TRNT1: variants seen among roughly 807,000 people sequenced by gnomAD.
TRNT1 encodes CCA tRNA nucleotidyltransferase 1, mitochondrial.
TRNT1 carries 44 observed loss-of-function variants against 45.6 expected under a neutral mutation model. The ratio of observed to expected loss-of-function variants is 0.97; its 90% confidence interval spans 0.76 to 1.24. TRNT1 has a LOEUF of 1.24. Among genes scored for constraint, TRNT1 ranks in the 50% most tolerant of loss-of-function variants. The pLI is 0.00. For synonymous variants in TRNT1, 201 were observed against 171.4 expected (o/e 1.17, Z -1.35); for missense variants, 633 against 504.4 (o/e 1.25, Z -2.44).
chr3:3,136,485 A>G (rs1320597761), intron 2 of TRNT1, among the ~76,000 whole-genome samples: 1 of 152,200 alleles, frequency 6.6e-6, no homozygotes, highest in Non-Finnish European at 1.5e-5. Context: ...TTTTAGCTAT[A>G]AACATTAATC....
intron 2 of TRNT1, chr3:3,129,446 G>C: frequency 2.4e-6 from 1 of 422,880 alleles, no homozygotes; most frequent in Non-Finnish European, 4.4e-6. Flanking sequence ...TGGAAGAAAG[G>C]CTTGGCTGGG....
At chr3:3,150,610 C>T, downstream of TRNT1, 4 of 401,928 alleles carry the variant, frequency 1.0e-5, no homozygotes, top group South Asian at 7.3e-5. Context: ...ATATCAGATT[C>T]CACAGGATAA....
chr3:3,136,595 C>T (rs1705340369), intron 2 of TRNT1: 1 of 424,294 alleles, frequency 2.4e-6, no homozygotes, highest in Non-Finnish European at 4.6e-6. Flanking sequence ...GTTACCATTT[C>T]TAAAGTATGC....
At chr3:3,130,739 T>G (rs1050764578) in intron 2 of TRNT1, 1 of 152,198 alleles carries the variant, frequency 6.6e-6, no homozygotes, top group African/African-American at 2.4e-5. Context: ...GAATTTTGTA[T>G]AAAAATTGTT....
At position 3,148,055 on chromosome 3, in the gene TRNT1, A is replaced by G; in HGVS notation, c.1206A>G (p.Lys402=). ...DIRKVGISSG[K]EIGALLQQLR... ...GAAAAGTGGGCATTTCTTCAGGAAA[A>G]GAAATTGGGGCTCTATTACAACAGT... The change falls in exon 8 of 8, where the codon AAA becomes AAG. Residue 402 remains lysine (K), a synonymous_variant. Transcript: ENST00000251607. The G allele has an allele frequency of 1.2e-6, 2 of 1,613,974 alleles. No homozygotes were observed. Among genetic ancestry groups the G allele is most frequent in the Non-Finnish European group, 1.7e-6 (2 of 1,179,852 alleles).
rs373630283 is a variant in TRNT1, at chr3:3,140,496, G to A, written c.343-14G>A. On this transcript the variant is annotated splice_polypyrimidine_tract_variant and intron_variant, in intron 3 of 7. Transcript: ENST00000251607. Reference sequence around the variant, plus strand: ...ATTTAAATGACAACAAAAACCCCATGTATTTAATTGCAGCTTCATGAAGAA... The same window carrying A: ...ATTTAAATGACAACAAAAACCCCATATATTTAATTGCAGCTTCATGAAGAA... The A allele has an allele frequency of 5.2e-5, 83 of 1,610,088 alleles. No individual in the cohort carries two copies. In the African/African-American group the frequency reaches 1.0e-3, roughly 20 times the overall value.
chr3:3,136,227 G>A (rs1343289805), intron 2 of TRNT1, among the ~76,000 whole-genome samples: 1 of 152,152 alleles, frequency 6.6e-6, no homozygotes, highest in Admixed American at 6.5e-5. Flanking sequence ...TGATATTGAT[G>A]TTTTGTGAAA....
rs371733557 is a variant in TRNT1, at chr3:3,144,612, T to A, written c.510T>A (p.Phe170Leu). The change falls in exon 5 of 8, where the codon TTT becomes TTA. Residue 170 changes from phenylalanine (F) to leucine (L), a missense_variant. Transcript: ENST00000251607. ...LGFDGTLFDY[F>L]NGYEDLKNKK... is the part of the protein sequence containing the mutation. The stretch of plus-strand genomic sequence containing the variant: ...TTGATGGCACTTTATTTGACTACTT[T>A]AATGGTTATGAAGATTTAAAAAATA... 3.1e-6 allele frequency: 5 copies of A among 1,587,358 alleles called. No homozygotes were observed. Among genetic ancestry groups the A allele is most frequent in the Non-Finnish European group, 4.3e-6 (5 of 1,161,612 alleles).
intron 4 of TRNT1, among the ~76,000 whole-genome samples, chr3:3,142,396 T>C (rs1235491562): frequency 6.6e-6 from 1 of 152,226 alleles, no homozygotes; most frequent in African/African-American, 2.4e-5. Context: ...GATGGTAACT[T>C]GCCCAAAGTT....
intron 2 of TRNT1, among the ~76,000 whole-genome samples, chr3:3,132,731 G>GGAA (rs1553552192): frequency 1.1e-5 from 1 of 88,976 alleles, no homozygotes; most frequent in Non-Finnish European, 2.4e-5. Context: ...CCTATTGAAG[G>GGAA]AAAAAAAAAA....
In TRNT1 at chr3:3,148,253, GT is replaced by G; in HGVS notation, c.*102del. On this transcript the variant is annotated 3_prime_UTR_variant, in exon 8 of 8. Coordinates refer to ENST00000251607, the MANE Select transcript of TRNT1 (RefSeq NM_182916.3). ...AGAGACTACACCAGAATAAAAGACA[GT>G]TTAGGGGACCTCTGTAGAACAACAA... 2 of 1,322,324 alleles carry G rather than the reference GT, an allele frequency of 1.5e-6. No individual in the cohort carries two copies. The highest frequency in any genetic ancestry group is 2.1e-6 in the Non-Finnish European group (2 of 962,776). 81.9% of individuals were successfully genotyped at this position (1,322,324 alleles called of 1,614,324 possible).
rs150742431 is a variant in TRNT1, at chr3:3,147,592, C to G, written c.945C>G (p.Ile315Met). ...DVTKLDLRLK[I>M]AKEEKNLGLF... is the part of the protein sequence containing the mutation. The stretch of plus-strand genomic sequence containing the variant: ...CAAAATTGGATTTGAGGTTGAAGAT[C>G]GCAAAAGAGGAGAAAAACCTTGGCT... The change falls in exon 7 of 8, where the codon ATC (isoleucine) becomes ATG (methionine). Residue 315 changes from isoleucine to methionine, a missense_variant. Ile to Met is a conservative substitution (Grantham distance 10). Coordinates refer to ENST00000251607, the MANE Select transcript of TRNT1 (RefSeq NM_182916.3). The G allele has an allele frequency of 3.0e-5, 48 of 1,613,740 alleles. No individual in the cohort carries two copies. Among genetic ancestry groups the G allele is most frequent in the Non-Finnish European group, 3.8e-5 (45 of 1,179,886 alleles).
chr3:3,150,930 G>C (rs1457385788), downstream of TRNT1: 3 of 1,613,896 alleles, frequency 1.9e-6, no homozygotes, highest in Non-Finnish European at 2.5e-6. Flanking sequence ...GTGGGCAACA[G>C]AGCAGATCGC....
At chr3:3,127,290 G>C (rs1184578106) in intron 1 of TRNT1, 1 of 152,344 alleles carries the variant, frequency 6.6e-6, no homozygotes, top group Non-Finnish European at 1.5e-5. Flanking sequence ...GGCGTGGGGG[G>C]TGAGACGCGC....
chr3:3,150,518 A>ATTTT (rs11320492), downstream of TRNT1: 2 of 184,366 alleles, frequency 1.1e-5, no homozygotes, highest in African/African-American at 4.9e-5. Context: ...GGAATTTAAG[A>ATTTT]TTTTTTTTTT....
intron 2 of TRNT1, among the ~76,000 whole-genome samples, chr3:3,132,905 T>A (rs1705103338): frequency 4.6e-5 from 7 of 152,122 alleles, no homozygotes; most frequent in Admixed American, 4.6e-4. Context: ...AGTTGACTTT[T>A]TCTAGGCTAC....
intron 3 of TRNT1, among the ~76,000 whole-genome samples, chr3:3,137,929 T>G (rs1705429054): frequency 6.6e-6 from 1 of 152,258 alleles, no homozygotes; most frequent in African/African-American, 2.4e-5. Flanking sequence ...GTTTTTAAAT[T>G]TTCCTGCAGT....
rs766234875 is a variant in TRNT1 at position 3,129,083 on chromosome 3, C to G, written c.43C>G (p.Arg15Gly). Residue 15 changes from arginine (R) to glycine (G), a missense_variant, in exon 2 of 8, where the codon CGT becomes GGT. Physicochemically the swap from Arg to Gly is moderately radical, Grantham distance 125 (BLOSUM62 -2). Coordinates refer to ENST00000251607, the MANE Select transcript of TRNT1 (RefSeq NM_182916.3). ...LYHWHRPVLN[R>G]RWSRLCLPKQ... ...TCATTGGCACAGGCCAGTGCTGAACCGTAGGTGGAGTAGGCTGTGCCTTCC... is the reference window on the plus strand; with the variant it reads ...TCATTGGCACAGGCCAGTGCTGAACGGTAGGTGGAGTAGGCTGTGCCTTCC... The G allele has an allele frequency of 6.2e-7, 1 of 1,613,904 alleles. No individual in the cohort carries two copies. The highest frequency in any genetic ancestry group is 1.1e-5 in the South Asian group (1 of 91,082).
downstream of TRNT1, chr3:3,150,227 C>T (rs1420348505): frequency 6.6e-6 from 1 of 152,388 alleles, no homozygotes; most frequent in Non-Finnish European, 1.5e-5. Flanking sequence ...ATACACAATA[C>T]TACTTTTTAC....
Sources: gnomAD v4.1 joint callset for allele counts (sites outside exome capture counted in the v4.1 genomes callset) on GRCh38, gnomAD v4.1.1 for gene constraint, MANE v1.5 for transcripts, NCBI Gene and HGNC (gene_info 2026-07-23, HGNC 2026-07-21) for gene names.